ACAP2: variants seen among roughly 807,000 people sequenced by gnomAD.
The protein encoded by ACAP2 is ArfGAP with coiled-coil, ankyrin repeat and PH domains 2, also known as arf-GAP with coiled-coil, ANK repeat and PH domain-containing protein 2.
Under a neutral mutation model 115.8 loss-of-function variants are expected in ACAP2, and 39 were observed. That is an observed-to-expected ratio of 0.34 (90% CI 0.26 to 0.44). The LOEUF is 0.44. ACAP2 is among the 20% of genes least tolerant of loss of function. The pLI, the probability that ACAP2 is intolerant of heterozygous loss-of-function variation, is 1.00. For synonymous variants in ACAP2, 289 were observed against 315.8 expected (o/e 0.92, Z 0.90); for missense variants, 662 against 927.6 (o/e 0.71, Z 3.72).
chr3:195,327,747 T>C (rs1729888564), intron 8 of ACAP2, among the ~76,000 whole-genome samples: 3 of 151,904 alleles, frequency 2.0e-5, no homozygotes, highest in South Asian at 2.1e-4. Context: ...CTGGCCAACA[T>C]AGAGAAACCC....
chr3:195,431,204 A>G (rs1332279426), intron 1 of ACAP2, among the ~76,000 whole-genome samples: 1 of 152,186 alleles, frequency 6.6e-6, no homozygotes, highest in African/African-American at 2.4e-5. Context: ...ATATTATGGC[A>G]TATAACAGTA....
chr3:195,402,859 C>A (rs1223130471), intron 1 of ACAP2, among the ~76,000 whole-genome samples: 1 of 147,694 alleles, frequency 6.8e-6, no homozygotes, highest in African/African-American at 2.7e-5. Flanking sequence ...TTTCCCTTTT[C>A]TTTAACAACA....
chr3:195,341,993 G>T (rs74288796), intron 6 of ACAP2, among the ~76,000 whole-genome samples: 3,263 of 152,136 alleles, frequency 0.021, 110 homozygotes, highest in East Asian at 0.1. Flanking sequence ...ACTCAGAAAG[G>T]GGGGAAGGTG....
chr3:195,332,030 A>G (rs1160751276), intron 8 of ACAP2, among the ~76,000 whole-genome samples: 1 of 151,016 alleles, frequency 6.6e-6, no homozygotes, highest in Non-Finnish European at 1.5e-5. Context: ...GCTACTCAGG[A>G]GGCTGAGGCA....
chr3:195,319,615 C>T (rs115146378), intron 10 of ACAP2, among the ~76,000 whole-genome samples: 1 of 152,158 alleles, frequency 6.6e-6, no homozygotes, highest in Non-Finnish European at 1.5e-5. Context: ...TTGTGTGGGG[C>T]CTGTGACCCC....
At chr3:195,323,691 G>A (rs138855245) in intron 9 of ACAP2, among the ~76,000 whole-genome samples, 67 of 152,126 alleles carry the variant, frequency 4.4e-4, no homozygotes, top group African/African-American at 1.6e-3. Context: ...CTTATTTGTG[G>A]GATCTAAAAA....
At chr3:195,321,956 A>G (rs755425709) in intron 9 of ACAP2, among the ~76,000 whole-genome samples, 7 of 152,152 alleles carry the variant, frequency 4.6e-5, no homozygotes, top group South Asian at 2.1e-4. Context: ...ATTTTTTCCT[A>G]AAATAAAATT....
At chr3:195,298,732 A>C (rs1385872843) in intron 15 of ACAP2, among the ~76,000 whole-genome samples, 1 of 152,080 alleles carries the variant, frequency 6.6e-6, no homozygotes, top group African/African-American at 2.4e-5. Context: ...CCTGGGTTCA[A>C]GCAATTCTCC....
At position 195,412,043 on chromosome 3, in the gene ACAP2, G is replaced by T. The variant is rs745429982; in HGVS notation, c.54-19896C>A. On this transcript the variant is annotated intron_variant, in intron 1 of 22. Coordinates refer to ENST00000326793, the MANE Select transcript of ACAP2 (RefSeq NM_012287.6). ...CACTTGGCTAAAAATAAGAATTGGG[G>T]GCTGGGTGCAGTGGCTCATGCCTAT... Among the ~76,000 whole-genome samples the T allele has an allele frequency of 1.6e-4, 25 of 151,628 alleles. No homozygotes were observed. In the Middle Eastern group the frequency reaches 0.01, roughly 62 times the overall value.
Position 195,286,045 on chromosome 3 carries a change from C to A in ACAP2, c.2175-188G>T, listed in dbSNP as rs191355442. Among the ~76,000 whole-genome samples, 179 of 152,304 alleles carry A rather than the reference C, an allele frequency of 1.2e-3. 1 individual carries two copies. The highest frequency in any genetic ancestry group is 8.8e-3 in the Admixed American group (135 of 15,294). ...ATAAGTATCTCACCTTCATACAATT[C>A]TCATAAGAAAGGACAACAAAAATCT... is the stretch of plus-strand genomic sequence containing the variant. On this transcript the variant is annotated intron_variant, in intron 21 of 22. Transcript: ENST00000326793.
At chr3:195,353,792 A>G (rs186421586) in intron 4 of ACAP2, among the ~76,000 whole-genome samples, 9 of 152,314 alleles carry the variant, frequency 5.9e-5, no homozygotes, top group Admixed American at 1.3e-4. Context: ...TATATTCCAA[A>G]GAGAAAAGCA....
chr3:195,412,707 C>A, intron 1 of ACAP2: 1 of 265,704 alleles, frequency 3.8e-6, no homozygotes, highest in Non-Finnish European at 7.9e-6. Context: ...TACAAGAAGT[C>A]TTTGTAAAAT....
chr3:195,355,925 A>G (rs1030326484), intron 4 of ACAP2: 1 of 304,564 alleles, frequency 3.3e-6, no homozygotes, highest in African/African-American at 2.2e-5. Flanking sequence ...AAAAATAGAA[A>G]CAAGCTGGAA....
At chr3:195,349,891 A>G (rs924085858) in intron 4 of ACAP2, 3 of 262,428 alleles carry the variant, frequency 1.1e-5, no homozygotes, top group Middle Eastern at 1.4e-3. Context: ...AACAAGCAAT[A>G]TCTCATAGGA....
chr3:195,295,181 A>G (rs1341019277), intron 17 of ACAP2: 1 of 1,242,406 alleles, frequency 8.0e-7, no homozygotes, highest in South Asian at 1.2e-5. Context: ...AATGCTCCAC[A>G]AGAGTAGTAC....
At chr3:195,350,846 C>T (rs1448724853) in intron 4 of ACAP2, among the ~76,000 whole-genome samples, 1 of 151,740 alleles carries the variant, frequency 6.6e-6, no homozygotes, top group Non-Finnish European at 1.5e-5. Flanking sequence ...ACCGTTACCA[C>T]AGAACATTTA....
intron 9 of ACAP2, among the ~76,000 whole-genome samples, chr3:195,321,356 C>T (rs1037498528): frequency 6.7e-6 from 1 of 150,158 alleles, no homozygotes; most frequent in African/African-American, 2.4e-5. Flanking sequence ...CCATGTAGCT[C>T]GAATTACGGA....
chr3:195,370,280 A>G (rs529017557), intron 4 of ACAP2, among the ~76,000 whole-genome samples: 1 of 152,274 alleles, frequency 6.6e-6, no homozygotes, highest in Admixed American at 6.5e-5. Context: ...CTTTTGTTGC[A>G]ATTGCTTTTG....
At chr3:195,376,482 G>C (rs1251245799) in intron 4 of ACAP2, among the ~76,000 whole-genome samples, 14 of 152,122 alleles carry the variant, frequency 9.2e-5, no homozygotes, top group Non-Finnish European at 2.1e-4. Context: ...GGTGGAAGTT[G>C]CAGTGAGCCA....
Sources: gnomAD v4.1 joint callset for allele counts (sites outside exome capture counted in the v4.1 genomes callset) on GRCh38, gnomAD v4.1.1 for gene constraint, MANE v1.5 for transcripts, NCBI Gene and HGNC (gene_info 2026-07-23, HGNC 2026-07-21) for gene names.